Variants in CYB5B observed in about 807,000 individuals in gnomAD.
The protein encoded by CYB5B is cytochrome b5 type B (outer mitochondrial membrane).
Under a neutral mutation model 21.3 loss-of-function variants are expected in CYB5B, and 14 were observed. That is an observed-to-expected ratio of 0.66 (90% CI 0.43 to 1.03). The LOEUF (loss-of-function observed/expected upper bound fraction) is 1.03, where lower values mean the gene tolerates loss of function less well. CYB5B is among the 50% of genes least tolerant of loss of function. The pLI, the probability that CYB5B is intolerant of heterozygous loss-of-function variation, is 0.00. For synonymous variants in CYB5B, 69 were observed against 68.4 expected (o/e 1.01, Z -0.04); for missense variants, 166 against 185.1 (o/e 0.90, Z 0.60).
At chr16:69,461,202 CAA>C (rs548563223) in intron 4 of CYB5B, among the ~76,000 whole-genome samples, 7 of 123,742 alleles carry the variant, frequency 5.7e-5, no homozygotes, top group Non-Finnish European at 3.5e-5. Context: ...GACTCCGTCT[CAA>C]AAAAAAAAAA....
rs754420384 is a variant in CYB5B, at chr16:69,424,638, T to C, written c.-46T>C. The C allele has an allele frequency of 6.7e-7, 1 of 1,499,076 alleles. No individual in the cohort carries two copies. The highest frequency in any genetic ancestry group is 8.9e-7 in the Non-Finnish European group (1 of 1,120,570). The allele number at this position is 1,499,076 out of a possible 1,614,324, so 92.9% of individuals were successfully genotyped here. A position where few individuals can be genotyped will look rare whatever the true frequency, so the allele number is the denominator to read the frequency against. On this transcript the variant is annotated 5_prime_UTR_variant, in exon 1 of 5. Coordinates refer to ENST00000307892, the MANE Select transcript of CYB5B (RefSeq NM_030579.3). ...GCCGAGGAAGGCTGAGCGCGGGCTCTCAAGGAAAGTAGTCGCGGAATCTCA... is the reference window on the plus strand; with the variant it reads ...GCCGAGGAAGGCTGAGCGCGGGCTCCCAAGGAAAGTAGTCGCGGAATCTCA...
chr16:69,456,117 C>A (rs1232437838), intron 3 of CYB5B, among the ~76,000 whole-genome samples: 4 of 151,988 alleles, frequency 2.6e-5, no homozygotes, highest in Non-Finnish European at 5.9e-5. Flanking sequence ...AAAAGTCCGT[C>A]TTTTGTGTTT....
chr16:69,457,272 G>T (rs547004398), intron 3 of CYB5B, among the ~76,000 whole-genome samples: 34 of 152,138 alleles, frequency 2.2e-4, no homozygotes, highest in African/African-American at 7.5e-4. Flanking sequence ...TTGTAAAAGA[G>T]GCTAAAAGCT....
intron 3 of CYB5B, among the ~76,000 whole-genome samples, chr16:69,456,385 T>C (rs2142826600): frequency 6.6e-6 from 1 of 152,322 alleles, no homozygotes; most frequent in East Asian, 1.9e-4. Flanking sequence ...AACAGTTAAT[T>C]TCCATGAGTT....
At chr16:69,439,425 G>T (rs553066245) in intron 1 of CYB5B, among the ~76,000 whole-genome samples, 4 of 152,046 alleles carry the variant, frequency 2.6e-5, no homozygotes, top group Admixed American at 2.6e-4. Context: ...TGGCCAGGAT[G>T]GTCTGGAACT....
At chr16:69,459,427 CT>C in intron 4 of CYB5B, 1 of 269,326 alleles carries the variant, frequency 3.7e-6, no homozygotes, top group Non-Finnish European at 6.9e-6. Flanking sequence ...TTGGGTCAGC[CT>C]TTAGTCCCGA....
chr16:69,451,376 G>T (rs539963136), intron 3 of CYB5B, among the ~76,000 whole-genome samples: 59 of 152,168 alleles, frequency 3.9e-4, no homozygotes, highest in African/African-American at 1.4e-3. Flanking sequence ...TTCTCTCTTT[G>T]ATGATGTATT....
At chr16:69,447,082 A>T in intron 1 of CYB5B, 68 bp from the exon 2 acceptor site, 1 of 1,557,568 alleles carries the variant, frequency 6.4e-7, no homozygotes, top group Non-Finnish European at 8.7e-7. Context: ...AGAAGGGGGT[A>T]TGGGAAAGTA....
chr16:69,460,921 G>A (rs1386475831), intron 4 of CYB5B, among the ~76,000 whole-genome samples: 2 of 152,218 alleles, frequency 1.3e-5, no homozygotes, highest in Non-Finnish European at 2.9e-5. Context: ...CTGTGATGCA[G>A]TATAAATGTA....
At chr16:69,427,007 AG>A (rs2142806436) in intron 1 of CYB5B, among the ~76,000 whole-genome samples, 1 of 152,350 alleles carries the variant, frequency 6.6e-6, no homozygotes, top group South Asian at 2.1e-4. Flanking sequence ...TTGGAGGCAC[AG>A]GCGGGCAGAT....
chr16:69,445,804 A>T (rs2014871884), intron 1 of CYB5B, among the ~76,000 whole-genome samples: 1 of 152,150 alleles, frequency 6.6e-6, no homozygotes, highest in African/African-American at 2.4e-5. Flanking sequence ...TAAAAATACA[A>T]AATTAGCTGG....
intron 1 of CYB5B, among the ~76,000 whole-genome samples, chr16:69,437,425 G>T (rs1414621837): frequency 6.6e-6 from 1 of 152,088 alleles, no homozygotes; most frequent in Non-Finnish European, 1.5e-5. Context: ...TTAATAAAAA[G>T]TAGGGAGGAA....
chr16:69,449,516 A>G (rs2014912056), intron 3 of CYB5B: 1 of 152,216 alleles, frequency 6.6e-6, no homozygotes, highest in African/African-American at 2.4e-5. Context: ...AATAGAAAAA[A>G]TATGTTTGCA....
intron 1 of CYB5B, among the ~76,000 whole-genome samples, chr16:69,433,882 C>T (rs1280991441): frequency 1.3e-5 from 2 of 152,210 alleles, no homozygotes; most frequent in African/African-American, 4.8e-5. Flanking sequence ...GCCTGCTACA[C>T]ACCTTAGCTG....
At chr16:69,452,280 C>G (rs2014941955) in intron 3 of CYB5B, among the ~76,000 whole-genome samples, 1 of 138,062 alleles carries the variant, frequency 7.2e-6, no homozygotes, top group Non-Finnish European at 1.5e-5. Context: ...CGCCACTGCA[C>G]TCCAGCCTGG....
chr16:69,435,693 A>C (rs1177637642), intron 1 of CYB5B, among the ~76,000 whole-genome samples: 2 of 152,126 alleles, frequency 1.3e-5, no homozygotes, highest in African/African-American at 4.8e-5. Context: ...GCTGGAGTGC[A>C]GTGGCGCGGT....
At chr16:69,448,423 T>A in intron 3 of CYB5B, 1 of 421,376 alleles carries the variant, frequency 2.4e-6, no homozygotes, top group Non-Finnish European at 4.2e-6. Flanking sequence ...AGAAATTAGT[T>A]TATGGGTTCA....
In CYB5B at chr16:69,463,645, G is replaced by C. The variant is rs1597289298; in HGVS notation, c.*1125G>C. 6.6e-6 allele frequency: 1 copy of C among 152,120 alleles called. No homozygotes were observed. Among genetic ancestry groups the C allele is most frequent in the South Asian group, 2.1e-4 (1 of 4,832 alleles). The allele number at this position is 152,120 out of a possible 1,614,324, so 9.4% of individuals were successfully genotyped here. The stretch of plus-strand genomic sequence containing the variant: ...GTAAGAGACTCCAGCATGGCCTTCT[G>C]TTTGCCCCGCAGTAAAGTAACTTCC... On this transcript the variant is annotated 3_prime_UTR_variant, in exon 5 of 5. Coordinates refer to ENST00000307892, the MANE Select transcript of CYB5B (RefSeq NM_030579.3).
chr16:69,435,691 G>A lies in CYB5B; in HGVS notation c.174+10834G>A, dbSNP rs983998442. Among the ~76,000 whole-genome samples the A allele has an allele frequency of 3.9e-5, 6 of 152,108 alleles. No homozygotes were observed. The East Asian group carries it at 1.2e-3, about 29-fold the overall frequency. On this transcript the variant is annotated intron_variant, in intron 1 of 4. Transcript: ENST00000307892. ...CTCACTGTGTCTCCCAGGCTGGAGTGCAGTGGCGCGGTCTCAGCTCATTAC... is the reference window on the plus strand; with the variant it reads ...CTCACTGTGTCTCCCAGGCTGGAGTACAGTGGCGCGGTCTCAGCTCATTAC...
Sources: gnomAD v4.1 joint callset for allele counts (sites outside exome capture counted in the v4.1 genomes callset) on GRCh38, gnomAD v4.1.1 for gene constraint, MANE v1.5 for transcripts, NCBI Gene and HGNC (gene_info 2026-07-23, HGNC 2026-07-21) for gene names.